Variants in TEN1 observed in about 807,000 individuals in gnomAD.
TEN1 encodes the protein CST complex subunit TEN1.
Under a neutral mutation model 9.3 loss-of-function variants are expected in TEN1, and 6 were observed. The observed-to-expected ratio is 0.65, with a 90% confidence interval of 0.35 to 1.27. The LOEUF is 1.27. Ranked by LOEUF, TEN1 falls within the 50% of genes most tolerant of loss-of-function variation. The pLI, the probability that TEN1 is intolerant of heterozygous loss-of-function variation, is 0.03. For synonymous variants in TEN1, 65 were observed against 65.6 expected (o/e 0.99, Z 0.04); for missense variants, 149 against 158.2 (o/e 0.94, Z 0.31).
intron 1 of TEN1, among the ~76,000 whole-genome samples, chr17:75,984,168 C>A (rs1234436325): frequency 6.6e-6 from 1 of 152,170 alleles, no homozygotes; most frequent in Non-Finnish European, 1.5e-5. Flanking sequence ...AGGCCAAAGG[C>A]AAGAGGGGGA....
At chr17:75,983,895 C>A (rs1175409197) in intron 1 of TEN1, among the ~76,000 whole-genome samples, 1 of 152,058 alleles carries the variant, frequency 6.6e-6, no homozygotes, top group African/African-American at 2.4e-5. Flanking sequence ...GAAAAGATAT[C>A]TCCAAAGGCC....
chr17:75,981,504 T>C (rs899852165), intron 1 of TEN1, among the ~76,000 whole-genome samples: 1 of 152,070 alleles, frequency 6.6e-6, no homozygotes, highest in Non-Finnish European at 1.5e-5. Flanking sequence ...ATTAACACTT[T>C]TGAAGTGTAT....
chr17:75,993,860 G>T (rs562515914), intron 3 of TEN1, among the ~76,000 whole-genome samples: 1 of 152,280 alleles, frequency 6.6e-6, no homozygotes, highest in East Asian at 1.9e-4. Context: ...GCCGGGCGTG[G>T]TGGCACACGC....
Position 75,994,434 on chromosome 17 carries a change from C to CA in TEN1, c.250+2823dup, listed in dbSNP as rs372733441. ...GGGCAACAAGAGCAAAACTCCGTCT[C>CA]AAAAAAAAAAAAGAAAAAGAAAAAG... On this transcript the variant is annotated intron_variant, in intron 3 of 3. Coordinates refer to ENST00000397640, the MANE Select transcript of TEN1 (RefSeq NM_001113324.3). Among the ~76,000 whole-genome samples, 150 of 136,410 alleles carry CA rather than the reference C, an allele frequency of 1.1e-3. 2 individuals are homozygous for CA. The highest frequency in any genetic ancestry group is 1.3e-3 in the East Asian group (6 of 4,568). The allele number at this position is 136,410 out of a possible 152,430, so 89.5% of individuals were successfully genotyped here.
At chr17:75,999,420 G>A (rs2066239027) in intron 3 of TEN1, among the ~76,000 whole-genome samples, 1 of 152,008 alleles carries the variant, frequency 6.6e-6, no homozygotes, top group African/African-American at 2.4e-5. Flanking sequence ...TTGGCTCACT[G>A]CAACCTCCAC....
At chr17:75,984,331 C>G (rs1253569905) in intron 1 of TEN1, among the ~76,000 whole-genome samples, 1 of 152,172 alleles carries the variant, frequency 6.6e-6, no homozygotes, top group East Asian at 1.9e-4. Flanking sequence ...GTTCCTTGTT[C>G]TGAAGAAATA....
At chr17:75,983,833 G>A (rs1189693502) in intron 1 of TEN1, among the ~76,000 whole-genome samples, 2 of 152,124 alleles carry the variant, frequency 1.3e-5, no homozygotes, top group African/African-American at 4.8e-5. Context: ...GGCCGCAGGA[G>A]TGGTGGGTGG....
chr17:75,997,259 C>G (rs566295160), intron 3 of TEN1, among the ~76,000 whole-genome samples: 70 of 152,250 alleles, frequency 4.6e-4, no homozygotes, highest in African/African-American at 1.7e-3. Context: ...GCAGAAAGAT[C>G]ACAGAACTCC....
intron 1 of TEN1, chr17:75,984,892 A>G (rs924671919): frequency 6.6e-6 from 1 of 152,222 alleles, no homozygotes; most frequent in African/African-American, 2.4e-5. Context: ...TGACAAACAG[A>G]ACAGTTCTTC....
At chr17:75,979,915 T>G (rs2066103647) in intron 1 of TEN1, among the ~76,000 whole-genome samples, 1 of 151,818 alleles carries the variant, frequency 6.6e-6, no homozygotes, top group South Asian at 2.1e-4. Context: ...GGTGCTGCTC[T>G]AAGCCTTCTG....
rs556493952 is a variant in TEN1, at chr17:75,989,534, C to G, written c.93-1932C>G. Among the ~76,000 whole-genome samples the G allele has an allele frequency of 9.9e-5, 15 of 151,988 alleles. No individual in the cohort carries two copies. The South Asian group carries it at 2.9e-3, about 29-fold the overall frequency. On this transcript the variant is annotated intron_variant, in intron 2 of 3. Coordinates refer to ENST00000397640, the MANE Select transcript of TEN1 (RefSeq NM_001113324.3). ...TCAAGCGATTCTCCTGTCTCAGCCT[C>G]CCAAGTAGGTGGGATTACAGGCGTG... is the stretch of plus-strand genomic sequence containing the variant.
Position 76,000,443 on chromosome 17 carries a change from C to T in TEN1, c.*181C>T. 1 of 937,130 alleles carries T rather than the reference C, an allele frequency of 1.1e-6. No individual in the cohort carries two copies. The allele number at this position is 937,130 out of a possible 1,614,324, so 58.1% of individuals were successfully genotyped here. On this transcript the variant is annotated 3_prime_UTR_variant, in exon 4 of 4. Transcript: ENST00000397640. The surrounding 1 kb of genome is among the most constrained non-coding windows in gnomAD (Gnocchi z 5.9). ...TGGGATTGGCTCAGCAATGAGAACC[C>T]AGAAAGCATGCCATAAATCCGACAG...
rs11544990 is a variant in TEN1, at chr17:75,991,509, G to T, written c.136G>T (p.Ala46Ser). The T allele has an allele frequency of 0.022, 33,770 of 1,552,244 alleles. 467 individuals are homozygous for T. Among genetic ancestry groups the T allele is most frequent in the Non-Finnish European group, 0.026 (29,684 of 1,147,110 alleles). ...GATTCAGTCCAGAGTAACACTGATG[G>T]CTCAGCACGGATCCGATCAGCACCA... is the stretch of plus-strand genomic sequence containing the variant. ...DMIQSRVTLM[A>S]QHGSDQHQVL... The change falls in exon 3 of 4, where the codon GCT becomes TCT. Residue 46 changes from alanine (A) to serine (S), a missense_variant. Coordinates refer to ENST00000397640, the MANE Select transcript of TEN1 (RefSeq NM_001113324.3).
Position 75,979,265 on chromosome 17 carries a change from C to T in TEN1, c.-253C>T. Reference sequence around the variant, plus strand: ...CCTTTGGCGCGTGAGTGACAGCGGCCCAGACAGAGGGGGCGATGTCCGCGT... The same window carrying T: ...CCTTTGGCGCGTGAGTGACAGCGGCTCAGACAGAGGGGGCGATGTCCGCGT... On this transcript the variant is annotated 5_prime_UTR_variant, in exon 1 of 4. Coordinates refer to ENST00000397640, the MANE Select transcript of TEN1 (RefSeq NM_001113324.3). 1.3e-6 allele frequency: 1 copy of T among 755,108 alleles called. No homozygotes were observed. Among genetic ancestry groups the T allele is most frequent in the Non-Finnish European group, 2.2e-6 (1 of 455,732 alleles). 46.8% of individuals were successfully genotyped at this position (755,108 alleles called of 1,614,324 possible).
intron 3 of TEN1, among the ~76,000 whole-genome samples, chr17:75,997,286 A>G (rs1473022974): frequency 6.6e-6 from 1 of 152,154 alleles, no homozygotes; most frequent in African/African-American, 2.4e-5. Context: ...TTGGAGCTCA[A>G]TGATTTCAGG....
At chr17:75,998,143 C>A (rs551586021) in intron 3 of TEN1, among the ~76,000 whole-genome samples, 1 of 150,764 alleles carries the variant, frequency 6.6e-6, no homozygotes, top group South Asian at 2.1e-4. Flanking sequence ...TGAGCCACTG[C>A]GCCTGGCCTT....
intron 3 of TEN1, among the ~76,000 whole-genome samples, chr17:75,993,108 CTTTT>C (rs141385494): frequency 2.3e-5 from 3 of 128,472 alleles, no homozygotes; most frequent in Admixed American, 1.6e-4. Flanking sequence ...AAAGTTATTT[CTTTT>C]TTTTTTTTTT....
chr17:75,989,017 C>T (rs1252709661), intron 2 of TEN1, among the ~76,000 whole-genome samples: 3 of 152,204 alleles, frequency 2.0e-5, no homozygotes, highest in Admixed American at 6.6e-5. Flanking sequence ...GTAATCCACC[C>T]GCCTCGGCCC....
chr17:75,985,476 A>T (rs1216163582), intron 1 of TEN1, among the ~76,000 whole-genome samples: 1 of 152,026 alleles, frequency 6.6e-6, no homozygotes, highest in Non-Finnish European at 1.5e-5. Flanking sequence ...ATAGAGATGA[A>T]GTCTCACTAT....
Sources: gnomAD v4.1 joint callset for allele counts (sites outside exome capture counted in the v4.1 genomes callset) on GRCh38, gnomAD v4.1.1 for gene constraint, Gnocchi (gnomAD v3.1) non-coding constraint, MANE v1.5 for transcripts, NCBI Gene and HGNC (gene_info 2026-07-23, HGNC 2026-07-21) for gene names.